Variants in EXOC6B observed in about 807,000 individuals in gnomAD.
EXOC6B encodes SEC15 homolog B.
In EXOC6B, 54 loss-of-function variants were observed where a neutral mutation model predicts 113.5. The observed-to-expected ratio is 0.48, with a 90% CI of 0.38 to 0.60. The LOEUF is 0.60. Ranked by LOEUF, EXOC6B falls within the 20% of genes least tolerant of loss-of-function variation. EXOC6B has a pLI of 0.00. For synonymous variants in EXOC6B, 357 were observed against 339.0 expected (o/e 1.05, Z -0.58); for missense variants, 797 against 977.5 (o/e 0.82, Z 2.46).
intron 7 of EXOC6B, among the ~76,000 whole-genome samples, chr2:72,566,392 A>G (rs1704180888): frequency 6.6e-6 from 1 of 152,132 alleles, no homozygotes; most frequent in Non-Finnish European, 1.5e-5. Context: ...TGGTACTTCA[A>G]TTATGGATAT....
At chr2:72,657,697 T>C (rs1674698104) in intron 6 of EXOC6B, among the ~76,000 whole-genome samples, 1 of 145,534 alleles carries the variant, frequency 6.9e-6, no homozygotes, top group Non-Finnish European at 1.5e-5. Flanking sequence ...AAGAAAAAGT[T>C]GGGGTCTCTG....
intron 19 of EXOC6B, among the ~76,000 whole-genome samples, chr2:72,341,703 TA>T (rs768566153): frequency 6.6e-6 from 1 of 151,932 alleles, no homozygotes; most frequent in Non-Finnish European, 1.5e-5. Flanking sequence ...AGAAAAGCAA[TA>T]AGAAAACATC....
chr2:72,809,283 T>C (rs184929193), intron 1 of EXOC6B, among the ~76,000 whole-genome samples: 1 of 151,932 alleles, frequency 6.6e-6, no homozygotes, highest in Non-Finnish European at 1.5e-5. Flanking sequence ...AAGATAGAGA[T>C]CAACAAAGTG....
intron 1 of EXOC6B, among the ~76,000 whole-genome samples, chr2:72,818,311 A>ATTTTTTTTTTTTT (rs1183950982): frequency 4.9e-4 from 58 of 117,836 alleles, no homozygotes; most frequent in East Asian, 1.2e-3. Flanking sequence ...GGCCCAGCTA[A>ATTTTTTTTTTTTT]TTTTTTTTTT....
chr2:72,621,193 C>T (rs1346796987), intron 6 of EXOC6B, among the ~76,000 whole-genome samples: 1 of 152,130 alleles, frequency 6.6e-6, no homozygotes, highest in Non-Finnish European at 1.5e-5. Context: ...TGCCAAAAGA[C>T]ACATGCACCC....
At chr2:72,335,339 G>GA (rs1429768219) in intron 19 of EXOC6B, 1 of 206,106 alleles carries the variant, frequency 4.9e-6, no homozygotes, top group Non-Finnish European at 9.7e-6. Context: ...GTGGGGGAGA[G>GA]AAAAAAGTTT....
intron 19 of EXOC6B, among the ~76,000 whole-genome samples, chr2:72,342,908 A>G (rs981922544): frequency 1.3e-5 from 2 of 152,160 alleles, no homozygotes; most frequent in Non-Finnish European, 2.9e-5. Flanking sequence ...TATCTCAAAG[A>G]GATATCTGCA....
intron 6 of EXOC6B, among the ~76,000 whole-genome samples, chr2:72,600,395 T>C (rs760580260): frequency 3.3e-4 from 46 of 141,010 alleles, no homozygotes; most frequent in African/African-American, 4.5e-4. Context: ...TGAGCCAAGA[T>C]TGTGCCACTG....
At chr2:72,557,241 T>C (rs1703599875) in intron 8 of EXOC6B, among the ~76,000 whole-genome samples, 1 of 118,008 alleles carries the variant, frequency 8.5e-6, no homozygotes, top group Non-Finnish European at 1.6e-5. Context: ...CAACTGGGCT[T>C]GTAAACAATG....
At chr2:72,368,703 G>C (rs1434762951) in intron 19 of EXOC6B, among the ~76,000 whole-genome samples, 1 of 152,166 alleles carries the variant, frequency 6.6e-6, no homozygotes, top group Non-Finnish European at 1.5e-5. Context: ...TGCAAGGCTG[G>C]TCCAACAAAT....
chr2:72,604,377 C>G (rs914364699), intron 6 of EXOC6B, among the ~76,000 whole-genome samples: 2 of 152,160 alleles, frequency 1.3e-5, no homozygotes, highest in African/African-American at 4.8e-5. Flanking sequence ...TTCCTACCAT[C>G]CTTTTGATTC....
intron 1 of EXOC6B, among the ~76,000 whole-genome samples, chr2:72,784,219 A>C (rs752217269): frequency 3.3e-5 from 5 of 152,154 alleles, no homozygotes; most frequent in Non-Finnish European, 7.3e-5. Flanking sequence ...TTTTTATACC[A>C]ATACCATGCT....
At chr2:72,585,797 G>A (rs1474742864) in intron 6 of EXOC6B, among the ~76,000 whole-genome samples, 1 of 151,908 alleles carries the variant, frequency 6.6e-6, no homozygotes, top group Non-Finnish European at 1.5e-5. Flanking sequence ...AATTGTATAA[G>A]TAATGAAAAA....
intron 18 of EXOC6B, among the ~76,000 whole-genome samples, chr2:72,414,273 T>C (rs894287676): frequency 6.6e-6 from 1 of 152,184 alleles, no homozygotes; most frequent in Non-Finnish European, 1.5e-5. Context: ...CTACAAATAA[T>C]TTTTCTAAAG....
intron 6 of EXOC6B, among the ~76,000 whole-genome samples, chr2:72,670,890 T>C (rs1187038340): frequency 1.3e-5 from 2 of 152,178 alleles, no homozygotes; most frequent in Non-Finnish European, 2.9e-5. Flanking sequence ...TTCCATCCAG[T>C]TCTATGATGA....
chr2:72,700,273 A>ACACACACACACACAC (rs1558930132), intron 6 of EXOC6B, among the ~76,000 whole-genome samples: 69 of 37,010 alleles, frequency 1.9e-3, no homozygotes, highest in African/African-American at 0.01. Flanking sequence ...CACACACACA[A>ACACACACACACACAC]AGTTATCCGT....
At chr2:72,653,630 TACTG>T (rs1180577926) in intron 6 of EXOC6B, among the ~76,000 whole-genome samples, 1 of 121,190 alleles carries the variant, frequency 8.3e-6, no homozygotes, top group Admixed American at 7.7e-5. Context: ...AGAAAGAAAA[TACTG>T]ACGAGTTGAA....
chr2:72,253,899 G>A (rs1683180079), intron 20 of EXOC6B, among the ~76,000 whole-genome samples: 2 of 152,112 alleles, frequency 1.3e-5, no homozygotes, highest in African/African-American at 2.4e-5. Flanking sequence ...AGTGGCTCAC[G>A]CCTGTAATCC....
intron 20 of EXOC6B, among the ~76,000 whole-genome samples, chr2:72,248,808 A>G (rs748536782): frequency 1.2e-4 from 18 of 152,242 alleles, no homozygotes; most frequent in Non-Finnish European, 2.6e-4. Context: ...ACAAAACAGA[A>G]AAAGAATAGA....
Sources: gnomAD v4.1 joint callset for allele counts (sites outside exome capture counted in the v4.1 genomes callset) on GRCh38, gnomAD v4.1.1 for gene constraint, MANE v1.5 for transcripts, NCBI Gene and HGNC (gene_info 2026-07-23, HGNC 2026-07-21) for gene names.